Variants in ARHGAP6 observed in about 807,000 individuals in gnomAD.
ARHGAP6 encodes rho GTPase-activating protein 6.
In ARHGAP6, 16 loss-of-function variants were observed where a neutral mutation model predicts 55.7. That is an observed-to-expected ratio of 0.29 (90% CI 0.19 to 0.44). The LOEUF is 0.44. Among genes scored for constraint, ARHGAP6 ranks in the 20% least tolerant of loss-of-function variants. The pLI, the probability that ARHGAP6 is intolerant of heterozygous loss-of-function variation, is 1.00. For synonymous variants in ARHGAP6, 382 were observed against 360.9 expected (o/e 1.06, Z -0.66); for missense variants, 698 against 808.9 (o/e 0.86, Z 1.66).
intron 1 of ARHGAP6, among the ~76,000 whole-genome samples, chrX:11,370,189 C>A (rs780086754): frequency 1.5e-4 from 17 of 112,203 alleles, no homozygotes; most frequent in African/African-American, 5.5e-4. Context: ...TCAACCTAGA[C>A]CTTGTTTTAA....
At chrX:11,590,363 T>G (rs1319337790) in intron 1 of ARHGAP6, among the ~76,000 whole-genome samples, 1 of 111,597 alleles carries the variant, frequency 9.0e-6, no homozygotes, top group African/African-American at 3.3e-5. Flanking sequence ...TGTCAAATCA[T>G]GCCTTGAAAT....
At position 11,590,869 on chromosome X, in the gene ARHGAP6, G is replaced by GAAGGAAAGAAA. The variant is rs2051813205; in HGVS notation, c.588+73371_588+73372insTTTCTTTCCTT. Among the ~76,000 whole-genome samples the GAAGGAAAGAAA allele has an allele frequency of 1.5e-3, 37 of 24,197 alleles. 3 individuals are homozygous for GAAGGAAAGAAA. The highest frequency in any genetic ancestry group is 5.7e-3 in the African/African-American group (27 of 4,714). 21.0% of individuals were successfully genotyped at this position (24,197 alleles called of 115,157 possible). Reference sequence around the variant, plus strand: ...AAGAAAAGAAAAGAAAAGAAAAGAAGGAAAGAAAGAAAGAAAGAAAGAAAG... The same window carrying GAAGGAAAGAAA: ...AAGAAAAGAAAAGAAAAGAAAAGAAGAAGGAAAGAAAGAAAGAAAGAAAGAAAGAAAGAAAG... On this transcript the variant is annotated intron_variant, in intron 1 of 12. Transcript: ENST00000337414.
At position 11,640,151 on chromosome X, in the gene ARHGAP6, T is replaced by C. The variant is rs1381584505; in HGVS notation, c.588+24090A>G. Among the ~76,000 whole-genome samples the C allele has an allele frequency of 3.6e-5, 4 of 111,342 alleles. No individual in the cohort carries two copies. The Admixed American group carries it at 3.8e-4, about 11-fold the overall frequency. On this transcript the variant is annotated intron_variant, in intron 1 of 12. Coordinates refer to ENST00000337414, the MANE Select transcript of ARHGAP6 (RefSeq NM_013427.3). ...TAAATCTAACAAAATGTAAAGGAGA[T>C]GTAAGAACAGTGCCCCGGGAAAGGA...
At chrX:11,658,831 AT>A (rs1158511434) in intron 1 of ARHGAP6, among the ~76,000 whole-genome samples, 1 of 109,022 alleles carries the variant, frequency 9.2e-6, no homozygotes, top group Admixed American at 1.0e-4. Context: ...CACTATTGAC[AT>A]TTTATGTAAG....
chrX:11,140,201 A>T (rs5979373), intron 12 of ARHGAP6, among the ~76,000 whole-genome samples: 86 of 72,239 alleles, frequency 1.2e-3, no homozygotes, highest in African/African-American at 2.8e-3. Context: ...AAAAAAAAAA[A>T]TAAAAAAAAA....
chrX:11,201,053 A>G (rs1169829244), intron 2 of ARHGAP6, among the ~76,000 whole-genome samples: 4 of 111,853 alleles, frequency 3.6e-5, no homozygotes, highest in Non-Finnish European at 7.5e-5. Flanking sequence ...TTAAAAACCT[A>G]TCGAGCTGTA....
At chrX:11,299,306 T>G (rs1338765983) in intron 1 of ARHGAP6, among the ~76,000 whole-genome samples, 1 of 112,049 alleles carries the variant, frequency 8.9e-6, no homozygotes, top group African/African-American at 3.2e-5. Flanking sequence ...GGAATATCAG[T>G]TCTCCTTATA....
rs2049931559 is a variant in ARHGAP6 at position 11,430,567 on chromosome X, C to G, written c.589-175860G>C. Among the ~76,000 whole-genome samples the G allele has an allele frequency of 2.7e-5, 3 of 111,775 alleles. No individual in the cohort carries two copies. The Admixed American group carries it at 2.8e-4, about 11-fold the overall frequency. On this transcript the variant is annotated intron_variant, in intron 1 of 12. Transcript: ENST00000337414. ...CATGCAGAACTCTAAGAAGTCTGTT[C>G]AATCTTAAACAATTTGAATTTCACA...
At chrX:11,527,661 G>A (rs2051004699) in intron 1 of ARHGAP6, among the ~76,000 whole-genome samples, 1 of 112,356 alleles carries the variant, frequency 8.9e-6, no homozygotes, top group Non-Finnish European at 1.9e-5. Context: ...ATTGTCTGCT[G>A]CATCTTTTTT....
chrX:11,253,006 G>A (rs1261998968), intron 2 of ARHGAP6, among the ~76,000 whole-genome samples: 1 of 112,125 alleles, frequency 8.9e-6, no homozygotes, highest in African/African-American at 3.2e-5. Flanking sequence ...GTTAGCCACA[G>A]CTGAGCCAAG....
At chrX:11,632,577 C>T (rs2052372855) in intron 1 of ARHGAP6, among the ~76,000 whole-genome samples, 1 of 112,267 alleles carries the variant, frequency 8.9e-6, no homozygotes, top group East Asian at 2.8e-4. Flanking sequence ...TAGCAAATTG[C>T]AGCTTTAATT....
chrX:11,622,229 G>T (rs1307300755), intron 1 of ARHGAP6, among the ~76,000 whole-genome samples: 1 of 111,851 alleles, frequency 8.9e-6, no homozygotes, highest in Non-Finnish European at 1.9e-5. Flanking sequence ...AAGTGACATT[G>T]CTGTGGTATG....
intron 1 of ARHGAP6, among the ~76,000 whole-genome samples, chrX:11,508,699 C>T (rs1256542293): frequency 9.1e-6 from 1 of 109,484 alleles, no homozygotes; most frequent in Admixed American, 1.0e-4. Context: ...CTGTATGCCT[C>T]CTGTGCTTGG....
chrX:11,208,177 T>C (rs771216809), intron 2 of ARHGAP6, among the ~76,000 whole-genome samples: 2 of 111,635 alleles, frequency 1.8e-5, no homozygotes, highest in Non-Finnish European at 3.8e-5. Context: ...ATCATCCTGC[T>C]GAGTCCAAGG....
At chrX:11,214,583 C>G (rs1415862579) in intron 2 of ARHGAP6, among the ~76,000 whole-genome samples, 1 of 112,785 alleles carries the variant, frequency 8.9e-6, no homozygotes, top group Non-Finnish European at 1.9e-5. Flanking sequence ...GCTTCCTTTG[C>G]CAGGATGAGG....
At chrX:11,264,878 A>G (rs1197865944) in intron 1 of ARHGAP6, among the ~76,000 whole-genome samples, 1 of 112,325 alleles carries the variant, frequency 8.9e-6, no homozygotes, top group African/African-American at 3.2e-5. Flanking sequence ...GGACTATGTT[A>G]CCATCATTAT....
chrX:11,214,250 T>C (rs2046845112), intron 2 of ARHGAP6, among the ~76,000 whole-genome samples: 1 of 92,801 alleles, frequency 1.1e-5, no homozygotes, highest in Admixed American at 1.3e-4. Flanking sequence ...GGAAAACCTT[T>C]GCTTAAGCAC....
chrX:11,631,900 A>G (rs985969871), intron 1 of ARHGAP6, among the ~76,000 whole-genome samples: 1 of 112,097 alleles, frequency 8.9e-6, no homozygotes, highest in Non-Finnish European at 1.9e-5. Context: ...TTAAAAATAT[A>G]AAAAGCATTC....
At chrX:11,576,754 T>C (rs903619791) in intron 1 of ARHGAP6, among the ~76,000 whole-genome samples, 1 of 111,738 alleles carries the variant, frequency 8.9e-6, no homozygotes, top group Non-Finnish European at 1.9e-5. Context: ...AATTTAGTGG[T>C]TTAAATCAAC....
Sources: gnomAD v4.1 joint callset for allele counts (sites outside exome capture counted in the v4.1 genomes callset) on GRCh38, gnomAD v4.1.1 for gene constraint, MANE v1.5 for transcripts, NCBI Gene and HGNC (gene_info 2026-07-23, HGNC 2026-07-21) for gene names.